FAM135A: variants seen among roughly 807,000 people sequenced by gnomAD.
The protein encoded by FAM135A is family with sequence similarity 135 member A, also known as protein FAM135A.
Under a neutral mutation model 146.8 loss-of-function variants are expected in FAM135A, and 79 were observed. That is an observed-to-expected ratio of 0.54 (90% CI 0.45 to 0.65). The LOEUF is 0.65. FAM135A is among the 30% of genes least tolerant of loss of function. The pLI is 0.00. For missense variants in FAM135A, 1,623 were observed against 1,758.2 expected, an observed-to-expected ratio of 0.92 and a Z score of 1.38; for synonymous variants, 562 against 603.6, an observed-to-expected ratio of 0.93 and a Z score of 1.01.
In FAM135A at chr6:70,488,554, C is replaced by T. The variant is rs148912303; in HGVS notation, c.824-2480C>T. On this transcript the variant is annotated intron_variant, in intron 10 of 21. Transcript: ENST00000418814. ...GGATATACAGTATACCCTTGAATAACACCAGAACTGGGGCACTGACCCCTG... is the reference window on the plus strand; with the variant it reads ...GGATATACAGTATACCCTTGAATAATACCAGAACTGGGGCACTGACCCCTG... Among the ~76,000 whole-genome samples, 169 of 150,628 alleles carry T rather than the reference C, an allele frequency of 1.1e-3. 1 individual carries two copies. Among genetic ancestry groups the T allele is most frequent in the African/African-American group, 4.0e-3 (162 of 40,944 alleles).
intron 4 of FAM135A, among the ~76,000 whole-genome samples, chr6:70,451,042 C>T (rs972066410): frequency 1.3e-5 from 2 of 152,154 alleles, no homozygotes; most frequent in East Asian, 1.9e-4. Context: ...CATGTCTGGC[C>T]ACTTTCCTCT....
At position 70,524,502 on chromosome 6, in the gene FAM135A, A is replaced by T. The variant is rs1389773600; in HGVS notation, c.1418A>T (p.Glu473Val). 1.9e-6 allele frequency: 3 copies of T among 1,551,200 alleles called. No homozygotes were observed. The highest frequency in any genetic ancestry group is 2.6e-6 in the Non-Finnish European group (3 of 1,146,786). ...TCCAGTATTTGGTATACAGAAGGTG[A>T]AAAGCAGCTAACAAAATCTCTAAAA... ...GASSIWYTEG[E>V]KQLTKSLKGK... The change falls in exon 15 of 22, where the codon GAA (glutamate) becomes GTA (valine). Residue 473 changes from glutamate (E) to valine (V), a missense_variant. This residue lies in a region of FAM135A where 1,061 missense variants were observed against 1,113.8 expected (regional missense o/e 0.95). Transcript: ENST00000418814.
At chr6:70,552,485 T>C in intron 20 of FAM135A, among the ~76,000 whole-genome samples, 1 of 127,974 alleles carries the variant, frequency 7.8e-6, no homozygotes, top group African/African-American at 3.2e-5. Context: ...TTTTTTTTTT[T>C]TGAGACGGAG....
intron 5 of FAM135A, among the ~76,000 whole-genome samples, chr6:70,461,113 G>A (rs76830193): frequency 0.13 from 19,816 of 152,016 alleles, 1,537 homozygotes; most frequent in Middle Eastern, 0.19. Context: ...GTAAGCCACC[G>A]TGCCAAGCCT....
At chr6:70,496,480 T>C (rs887287887) in intron 11 of FAM135A, among the ~76,000 whole-genome samples, 1 of 152,238 alleles carries the variant, frequency 6.6e-6, no homozygotes, top group East Asian at 1.9e-4. Context: ...GAGTTTGTTC[T>C]GCTGTGCAGA....
At chr6:70,422,065 C>T (rs982902629) in intron 2 of FAM135A, among the ~76,000 whole-genome samples, 2 of 152,146 alleles carry the variant, frequency 1.3e-5, no homozygotes, top group Non-Finnish European at 2.9e-5. Context: ...ACTGTTCGCC[C>T]ACAGAATGAA....
intron 4 of FAM135A, among the ~76,000 whole-genome samples, chr6:70,432,857 G>T (rs1771991557): frequency 6.6e-6 from 1 of 150,494 alleles, no homozygotes; most frequent in African/African-American, 2.4e-5. Context: ...TACTTATACT[G>T]CCATATTTAA....
chr6:70,549,767 G>A (rs775429109), intron 20 of FAM135A, among the ~76,000 whole-genome samples: 4 of 152,086 alleles, frequency 2.6e-5, no homozygotes, highest in Non-Finnish European at 4.4e-5. Context: ...TTACAACAAC[G>A]AGGTTTGCTG....
intron 13 of FAM135A, 138 bp from the exon 14 acceptor site, chr6:70,523,829 G>A: frequency 1.4e-6 from 1 of 706,770 alleles, no homozygotes; most frequent in Non-Finnish European, 2.2e-6. Flanking sequence ...CGCTGACCAA[G>A]CAGCTCTCTC....
At chr6:70,436,690 T>A (rs1773246389) in intron 4 of FAM135A, among the ~76,000 whole-genome samples, 1 of 152,244 alleles carries the variant, frequency 6.6e-6, no homozygotes, top group Non-Finnish European at 1.5e-5. Context: ...GGAAACTCAT[T>A]TTGTTTTCAG....
intron 19 of FAM135A, among the ~76,000 whole-genome samples, chr6:70,537,429 A>G (rs1272182636): frequency 6.6e-6 from 1 of 152,136 alleles, no homozygotes; most frequent in Non-Finnish European, 1.5e-5. Context: ...CCTGTATCCC[A>G]TTTCAAGTTG....
chr6:70,465,386 A>T (rs1780252343), intron 5 of FAM135A, among the ~76,000 whole-genome samples: 1 of 152,120 alleles, frequency 6.6e-6, no homozygotes, highest in Non-Finnish European at 1.5e-5. Flanking sequence ...ATAAATACCT[A>T]GAAGTGAGAT....
At chr6:70,510,671 T>C (rs1168670577) in intron 12 of FAM135A, among the ~76,000 whole-genome samples, 1 of 152,172 alleles carries the variant, frequency 6.6e-6, no homozygotes, top group Non-Finnish European at 1.5e-5. Flanking sequence ...TTGTCATTGA[T>C]AGACATTTAA....
chr6:70,482,393 A>G (rs1038415789), intron 10 of FAM135A, among the ~76,000 whole-genome samples: 2 of 152,176 alleles, frequency 1.3e-5, no homozygotes, highest in Non-Finnish European at 2.9e-5. Flanking sequence ...TCTTTTAAAA[A>G]AAACATGTCA....
intron 3 of FAM135A, 88 bp downstream of exon 3, chr6:70,426,620 G>A: frequency 6.6e-6 from 1 of 152,224 alleles, no homozygotes; most frequent in South Asian, 2.1e-4. Flanking sequence ...GAATTGGGAA[G>A]GGTCTGAGAT....
At chr6:70,520,025 AAG>A (rs1445115909) in intron 12 of FAM135A, among the ~76,000 whole-genome samples, 2 of 152,126 alleles carry the variant, frequency 1.3e-5, no homozygotes, top group African/African-American at 4.8e-5. Flanking sequence ...AAAAGACCTC[AAG>A]TATTAATTTT....
In FAM135A at chr6:70,505,494, G is replaced by A. The variant is rs1357129431; in HGVS notation, c.1029+2703G>A. ...AGTTTGGGTTTGTATTATATTTCCC[G>A]GTGATTAGATTAAGATGACACAGTA... On this transcript the variant is annotated intron_variant, in intron 12 of 21. Coordinates refer to ENST00000418814, the MANE Select transcript of FAM135A (RefSeq NM_001162529.3). Among the ~76,000 whole-genome samples, 7 of 151,774 alleles carry A rather than the reference G, an allele frequency of 4.6e-5. No homozygotes were observed. In the South Asian group the frequency reaches 6.3e-4, roughly 14 times the overall value.
chr6:70,497,070 G>A (rs1420961016), intron 11 of FAM135A, among the ~76,000 whole-genome samples: 1 of 152,110 alleles, frequency 6.6e-6, no homozygotes, highest in Non-Finnish European at 1.5e-5. Flanking sequence ...GATGGGGATA[G>A]CATTGAATCT....
intron 20 of FAM135A, among the ~76,000 whole-genome samples, chr6:70,551,486 CTGT>C (rs1479304097): frequency 6.6e-6 from 1 of 152,074 alleles, no homozygotes; most frequent in Non-Finnish European, 1.5e-5. Flanking sequence ...TGTCGCATAC[CTGT>C]TGTTTCAGCT....
Sources: allele counts gnomAD v4.1 joint callset (sites outside exome capture counted in the v4.1 genomes callset), GRCh38; gene constraint gnomAD v4.1.1; regional missense constraint gnomAD v4.1.1; transcripts MANE v1.5; gene names NCBI Gene and HGNC (gene_info 2026-07-23, HGNC 2026-07-21).